The following KANK1 variants were observed in gnomAD, a reference collection of about 807,000 sequenced individuals.
KANK1 encodes KN motif and ankyrin repeat domain-containing protein 1.
Under a neutral mutation model 106.2 loss-of-function variants are expected in KANK1, and 109 were observed. The ratio of observed to expected loss-of-function variants is 1.03; its 90% CI spans 0.88 to 1.20. KANK1 has a LOEUF of 1.20. Ranked by LOEUF, KANK1 falls within the 50% of genes most tolerant of loss-of-function variation. The probability of loss-of-function intolerance (pLI) is 0.00; values close to 1 mark genes in which losing one functional copy is unlikely to be tolerated. For missense variants in KANK1, 2,399 were observed against 1,710.7 expected, an observed-to-expected ratio of 1.40 and a Z score of -7.10; for synonymous variants, 873 against 652.2, an observed-to-expected ratio of 1.34 and a Z score of -5.16.
chr9:549,350 C>T (rs2061133534), intron 1 of KANK1: 2 of 152,276 alleles, frequency 1.3e-5, no homozygotes, highest in African/African-American at 2.4e-5. Flanking sequence ...ACAATGGCCT[C>T]CTCCTATGGC....
At chr9:534,991 T>C (rs1201767886) in intron 1 of KANK1, among the ~76,000 whole-genome samples, 2 of 152,166 alleles carry the variant, frequency 1.3e-5, no homozygotes, top group African/African-American at 4.8e-5. Context: ...GATGTCTTTC[T>C]TTGAGGATGC....
chr9:672,485 AT>A (rs1238720368), intron 1 of KANK1, among the ~76,000 whole-genome samples: 1 of 152,142 alleles, frequency 6.6e-6, no homozygotes, highest in African/African-American at 2.4e-5. Flanking sequence ...TTTGGGTGAC[AT>A]TTTATATTTC....
chr9:672,388 G>C (rs1017786659), intron 1 of KANK1, among the ~76,000 whole-genome samples: 5 of 152,110 alleles, frequency 3.3e-5, no homozygotes, highest in African/African-American at 1.2e-4. Context: ...TCTGAAATGA[G>C]GATGTGTCTT....
intron 3 of KANK1, among the ~76,000 whole-genome samples, chr9:715,619 C>T (rs557349684): frequency 2.2e-4 from 34 of 152,328 alleles, no homozygotes; most frequent in Admixed American, 5.2e-4. Flanking sequence ...TGCTAACAAA[C>T]ACCTAATTAA....
intron 1 of KANK1, among the ~76,000 whole-genome samples, chr9:556,248 C>CT (rs1220095120): frequency 6.6e-6 from 1 of 152,106 alleles, no homozygotes; most frequent in Non-Finnish European, 1.5e-5. Flanking sequence ...GGTTAATTTT[C>CT]TTTTTTTAAT....
chr9:504,244 G>A (rs894901818), upstream of KANK1, among the ~76,000 whole-genome samples: 3 of 152,184 alleles, frequency 2.0e-5, no homozygotes, highest in Non-Finnish European at 2.9e-5. Flanking sequence ...CCCCTTGCGG[G>A]TGTGTGTGCG....
At position 644,145 on chromosome 9, in the gene KANK1, C is replaced by T. The variant is rs1016595839; in HGVS notation, c.-83-32745C>T. Among the ~76,000 whole-genome samples the T allele has an allele frequency of 3.3e-5, 5 of 150,942 alleles. 1 individual carries two copies. The highest frequency in any genetic ancestry group is 1.2e-4 in the African/African-American group (5 of 40,280). On this transcript the variant is annotated intron_variant, in intron 1 of 11. Coordinates refer to ENST00000382297, the MANE Select transcript of KANK1 (RefSeq NM_015158.5). The stretch of plus-strand genomic sequence containing the variant: ...ATGCTAATAATGTGGTAATGCTAGT[C>T]GCCAGTCTTCTTAATCTCTATAACA...
rs1197458615 is a variant in KANK1 at position 713,199 on chromosome 9, C to G, written c.2433C>G (p.Pro811=). 4 of 1,586,754 alleles carry G rather than the reference C, an allele frequency of 2.5e-6. No homozygotes were observed. Among genetic ancestry groups the G allele is most frequent in the Non-Finnish European group, 3.4e-6 (4 of 1,166,470 alleles). ...DDPVGESLEN[P]QPQAPLGMMT... ...CTGTAGGGGAATCTCTGGAGAACCC[C>G]CAGCCTCAAGCTCCACTTGGAATGA... Residue 811 remains proline (P), a synonymous_variant, in exon 3 of 12, where the codon CCC becomes CCG. Transcript: ENST00000382297.
chr9:555,720 A>G (rs1482233414), intron 1 of KANK1, among the ~76,000 whole-genome samples: 1 of 152,206 alleles, frequency 6.6e-6, no homozygotes, highest in Non-Finnish European at 1.5e-5. Context: ...CCAGACTTGT[A>G]CTGGAATATG....
At chr9:544,265 C>A (rs1460920099) in intron 1 of KANK1, among the ~76,000 whole-genome samples, 1 of 152,014 alleles carries the variant, frequency 6.6e-6, no homozygotes, top group African/African-American at 2.4e-5. Context: ...AAGCAAGCCA[C>A]CCCCCACTTG....
chr9:678,116 C>G (rs1021947234), intron 2 of KANK1, among the ~76,000 whole-genome samples: 89 of 152,254 alleles, frequency 5.8e-4, no homozygotes, highest in African/African-American at 2.1e-3. Context: ...ACACTATAAC[C>G]CAAACCCAGA....
rs955201743 is a variant in KANK1 at position 541,982 on chromosome 9, G to A, written c.-84+37228G>A. 4.6e-5 allele frequency among the ~76,000 whole-genome samples: 7 copies of A among 151,312 alleles called. 1 individual carries two copies. The highest frequency in any genetic ancestry group is 6.6e-5 in the Admixed American group (1 of 15,196). ...CGGGCCCCTGTAGTCCCAGCTACTCGGGAGGCTGAGGCAGGAGAATGGCGT... is the reference window on the plus strand; with the variant it reads ...CGGGCCCCTGTAGTCCCAGCTACTCAGGAGGCTGAGGCAGGAGAATGGCGT... On this transcript the variant is annotated intron_variant, in intron 1 of 11. Transcript: ENST00000382297.
Position 582,442 on chromosome 9 carries a change from A to C in KANK1, c.-84+77688A>C, listed in dbSNP as rs1209883961. On this transcript the variant is annotated intron_variant, in intron 1 of 11. Coordinates refer to ENST00000382297, the MANE Select transcript of KANK1 (RefSeq NM_015158.5). ...TCCCTTTTCTGGCAATGGGTAGTCT[A>C]GTTCTGTTAATATTCCTGCAAAGAA... 2.0e-5 allele frequency among the ~76,000 whole-genome samples: 3 copies of C among 152,222 alleles called. No individual in the cohort carries two copies. The East Asian group carries it at 5.8e-4, about 29-fold the overall frequency.
At chr9:538,310 A>C (rs1451640702) in intron 1 of KANK1, among the ~76,000 whole-genome samples, 2 of 152,232 alleles carry the variant, frequency 1.3e-5, no homozygotes, top group African/African-American at 4.8e-5. Context: ...GACTGTGTGC[A>C]AGGCCCTCTA....
intron 1 of KANK1, among the ~76,000 whole-genome samples, chr9:586,023 C>G (rs1223795240): frequency 6.6e-6 from 1 of 152,104 alleles, no homozygotes; most frequent in African/African-American, 2.4e-5. Context: ...TTGTGGGATT[C>G]TGTAAGGTGG....
chr9:613,544 G>T (rs1393855656), intron 1 of KANK1, among the ~76,000 whole-genome samples: 1 of 151,976 alleles, frequency 6.6e-6, no homozygotes, highest in African/African-American at 2.4e-5. Flanking sequence ...GTGGCCCAGG[G>T]AAGCCAAAAC....
intron 2 of KANK1, chr9:684,585 G>T (rs1818189423): frequency 1.0e-6 from 1 of 985,224 alleles, no homozygotes; most frequent in African/African-American, 1.7e-5. Context: ...GTGAGTATTG[G>T]CATTTATTTC....
At chr9:616,463 A>T (rs924809975) in intron 1 of KANK1, among the ~76,000 whole-genome samples, 1 of 152,192 alleles carries the variant, frequency 6.6e-6, no homozygotes, top group African/African-American at 2.4e-5. Context: ...CCAAGCTGTC[A>T]TTTAAGCTAA....
In KANK1 at chr9:732,635, T is replaced by A. The variant is rs1564108346; in HGVS notation, c.3245+18T>A. The A allele has an allele frequency of 6.2e-7, 1 of 1,608,418 alleles. No individual in the cohort carries two copies. The highest frequency in any genetic ancestry group is 1.7e-5 in the Admixed American group (1 of 59,860). On this transcript the variant is annotated intron_variant, in intron 6 of 11. Transcript: ENST00000382297. ...AGAGAGAGGTGTGGTACATTCCCCTTCCCTCCCTTGCCCCTCCCACATTTA... is the reference window on the plus strand; with the variant it reads ...AGAGAGAGGTGTGGTACATTCCCCTACCCTCCCTTGCCCCTCCCACATTTA...
Sources: gnomAD v4.1 joint callset for allele counts (sites outside exome capture counted in the v4.1 genomes callset) on GRCh38, gnomAD v4.1.1 for gene constraint, MANE v1.5 for transcripts, NCBI Gene and HGNC (gene_info 2026-07-23, HGNC 2026-07-21) for gene names.